GPR31: variants seen among roughly 807,000 people sequenced by gnomAD.
The protein encoded by GPR31 is 12-(S)-hydroxy-5,8,10,14-eicosatetraenoic acid receptor.
For missense variants in GPR31, 394 were observed against 400.5 expected, an observed-to-expected ratio of 0.98 and a Z score of 0.14; for synonymous variants, 209 against 183.8, an observed-to-expected ratio of 1.14 and a Z score of -1.11.
chr6:167,157,221 A>G lies in GPR31; in HGVS notation c.611T>C (p.Leu204Pro), dbSNP rs1240605823. The G allele has an allele frequency of 5.6e-6, 9 of 1,614,122 alleles. No homozygotes were observed. Among genetic ancestry groups the G allele is most frequent in the Non-Finnish European group, 7.6e-6 (9 of 1,180,050 alleles). Residue 204 changes from leucine to proline, a missense_variant, in exon 1 of 1, where the codon CTC (leucine) becomes CCC (proline). Transcript: ENST00000366834. Reference sequence around the variant, plus strand: ...CTCAGGCTCCCGGAGTCTTTTCTGGAGAGCCCTGATGATGCCTGCATTGCA... The same window carrying G: ...CTCAGGCTCCCGGAGTCTTTTCTGGGGAGCCCTGATGATGCCTGCATTGCA... Reference protein sequence around the residue: ...VFCNAGIIRALQKRLREPEKQ... With the variant: ...VFCNAGIIRAPQKRLREPEKQ...
rs1307014499 is a variant in GPR31, at chr6:167,155,737, C to T, written c.*1135G>A. On this transcript the variant is annotated 3_prime_UTR_variant, in exon 1 of 1. Coordinates refer to ENST00000366834, the MANE Select transcript of GPR31 (RefSeq NM_005299.3). ...GCAGCTCACCAGGCCCATGTCGTGA[C>T]AAGGCAGGCCTCCCGCCTCCTCTGG... 6.6e-6 allele frequency among the ~76,000 whole-genome samples: 1 copy of T among 152,254 alleles called. No individual in the cohort carries two copies. The highest frequency in any genetic ancestry group is 1.5e-5 in the Non-Finnish European group (1 of 68,042).
Position 167,155,876 on chromosome 6 carries a change from T to C in GPR31, c.*996A>G, listed in dbSNP as rs978523923. Among the ~76,000 whole-genome samples the C allele has an allele frequency of 1.3e-5, 2 of 152,194 alleles. No individual in the cohort carries two copies. The highest frequency in any genetic ancestry group is 4.8e-5 in the African/African-American group (2 of 41,444). ...AAATCTTTTATCATCATCGTGAGAC[T>C]CAGTTTTGGAATACAATTTACAAGG... On this transcript the variant is annotated 3_prime_UTR_variant, in exon 1 of 1. Coordinates refer to ENST00000366834, the MANE Select transcript of GPR31 (RefSeq NM_005299.3).
At position 167,157,685 on chromosome 6, in the gene GPR31, G is replaced by A. The variant is rs374373604; in HGVS notation, c.147C>T (p.Tyr49=). The A allele has an allele frequency of 1.3e-5, 21 of 1,613,700 alleles. No individual in the cohort carries two copies. In the East Asian group the frequency reaches 2.0e-4, roughly 15 times the overall value. Reference sequence around the variant, plus strand: ...GGGCCAGGTTGAGCAGGTAGACAGCGTACGGCTTCCACACCCTGACCCGGA... The same window carrying A: ...GGGCCAGGTTGAGCAGGTAGACAGCATACGGCTTCCACACCCTGACCCGGA... ...FLFRVRVWKP[Y]AVYLLNLALA... Residue 49 remains tyrosine, a synonymous_variant, in exon 1 of 1, where the codon TAC becomes TAT. Transcript: ENST00000366834.
chr6:167,156,932 G>C lies in GPR31; in HGVS notation c.900C>G (p.Leu300=). 1.2e-6 allele frequency: 2 copies of C among 1,614,022 alleles called. No homozygotes were observed. Among genetic ancestry groups the C allele is most frequent in the Non-Finnish European group, 1.7e-6 (2 of 1,179,918 alleles). Reference sequence around the variant, plus strand: ...GCTCTGCTGCCTGCCCTTTGCCTCGGAGGGTGTGGAAGACCCTCCGATAGG... The same window carrying C: ...GCTCTGCTGCCTGCCCTTTGCCTCGCAGGGTGTGGAAGACCCTCCGATAGG... ...RSSYRRVFHT[L]RGKGQAAEPP... The change falls in exon 1 of 1, where the codon CTC becomes CTG. Residue 300 remains leucine (L), a synonymous_variant. Transcript: ENST00000366834. The surrounding 1 kb of genome is among the most constrained non-coding windows in gnomAD (Gnocchi z 4.5).
rs760218339 is a variant in GPR31, at chr6:167,157,637, C to A, written c.195G>T (p.Ala65=). ...NLALADLLLA[A]CLPFLAAFYL... ...AGAAGGCGGCCAGGAAAGGCAGGCA[C>A]GCAGCCAACAGCAGGTCAGCCAGGG... The change falls in exon 1 of 1, where the codon GCG becomes GCT. Residue 65 remains alanine, a synonymous_variant. Transcript: ENST00000366834. 6 of 1,613,696 alleles carry A rather than the reference C, an allele frequency of 3.7e-6. No individual in the cohort carries two copies. In the African/African-American group the frequency reaches 6.7e-5, roughly 18 times the overall value.
Position 167,157,747 on chromosome 6 carries a change from G to GGCCC in GPR31, c.84_85insGGGC (p.Leu29GlyfsTer33). ...CACAGCGCCACCGCGTTGCCCAGCAGACCCAGCCCACACTCCAGCCCCAGC... is the reference window on the plus strand; with the variant it reads ...CACAGCGCCACCGCGTTGCCCAGCAGGCCCACCCAGCCCACACTCCAGCCCCAGC... On this transcript the variant is annotated frameshift_variant, in exon 1 of 1. Coordinates refer to ENST00000366834, the MANE Select transcript of GPR31 (RefSeq NM_005299.3). LOFTEE classifies it low-confidence loss of function (END_TRUNC). The GGCCC allele has an allele frequency of 6.2e-7, 1 of 1,613,568 alleles. No individual in the cohort carries two copies. The highest frequency in any genetic ancestry group is 2.2e-5 in the East Asian group (1 of 44,874).
In GPR31 at chr6:167,157,137, G is replaced by A; in HGVS notation, c.695C>T (p.Ala232Val). 6.2e-7 allele frequency: 1 copy of A among 1,614,200 alleles called. No homozygotes were observed. The highest frequency in any genetic ancestry group is 8.5e-7 in the Non-Finnish European group (1 of 1,180,024). Reference sequence around the variant, plus strand: ...CAGGAAGCAGGGCAGAAAGCACAGAGCAAACAGCACCACCACCAAGGTGAC... The same window carrying A: ...CAGGAAGCAGGGCAGAAAGCACAGAACAAACAGCACCACCACCAAGGTGAC... ...ALVTLVVVLF[A>V]LCFLPCFLAR... Residue 232 changes from alanine (A) to valine (V), a missense_variant, in exon 1 of 1, where the codon GCT becomes GTT. By Grantham distance (64) the Ala-to-Val change is moderately conservative. Transcript: ENST00000366834.
At position 167,157,864 on chromosome 6, in the gene GPR31, G is replaced by C. The variant is rs1358359836; in HGVS notation, c.-33C>G. 6.3e-7 allele frequency: 1 copy of C among 1,576,460 alleles called. No individual in the cohort carries two copies. The highest frequency in any genetic ancestry group is 1.3e-5 in the African/African-American group (1 of 74,188). On this transcript the variant is annotated 5_prime_UTR_variant, in exon 1 of 1. Transcript: ENST00000366834. ...CCGTGAGGGGCTGCAGGCACAGCTGGAGCAGGTACAGGAGGAACTCTGTGC... is the reference window on the plus strand; with the variant it reads ...CCGTGAGGGGCTGCAGGCACAGCTGCAGCAGGTACAGGAGGAACTCTGTGC...
At position 167,157,546 on chromosome 6, in the gene GPR31, G is replaced by C. The variant is rs751513194; in HGVS notation, c.286C>G (p.Leu96Val). ...GCWALHFLLD[L>V]SRSVGMAFLA... ...AAGGCCATCCCCACGCTGCGGCTGA[G>C]GTCCAGCAGGAAGTGCAGGGCCCAG... Residue 96 changes from leucine (L) to valine (V), a missense_variant, in exon 1 of 1, where the codon CTC becomes GTC. By Grantham distance (32) the Leu-to-Val change is conservative (BLOSUM62 1). Transcript: ENST00000366834. 6.2e-7 allele frequency: 1 copy of C among 1,610,468 alleles called. No individual in the cohort carries two copies. The highest frequency in any genetic ancestry group is 2.2e-5 in the East Asian group (1 of 44,800).
At position 167,157,488 on chromosome 6, in the gene GPR31, C is replaced by T. The variant is rs374776628; in HGVS notation, c.344G>A (p.Arg115His). Reference protein sequence around the residue: ...LAAVALDRYLRVVHPRLKVNL... With the variant: ...LAAVALDRYLHVVHPRLKVNL... ...GACCTTAAGCCGAGGGTGGACCACACGGAGGTACCGGTCCAAAGCCACGGC... is the reference window on the plus strand; with the variant it reads ...GACCTTAAGCCGAGGGTGGACCACATGGAGGTACCGGTCCAAAGCCACGGC... Residue 115 changes from arginine to histidine, a missense_variant, in exon 1 of 1, where the codon CGT becomes CAT. Transcript: ENST00000366834. 1,621 of 1,613,462 alleles carry T rather than the reference C, an allele frequency of 1.0e-3. 32 individuals are homozygous for T. In the South Asian group the frequency reaches 0.017, roughly 17 times the overall value.
rs1224972433 is a variant in GPR31, at chr6:167,155,733, G to T, written c.*1139C>A. Among the ~76,000 whole-genome samples, 1 of 152,234 alleles carries T rather than the reference G, an allele frequency of 6.6e-6. No individual in the cohort carries two copies. The highest frequency in any genetic ancestry group is 1.9e-4 in the East Asian group (1 of 5,202). ...AGGGGCAGCTCACCAGGCCCATGTC[G>T]TGACAAGGCAGGCCTCCCGCCTCCT... On this transcript the variant is annotated 3_prime_UTR_variant, in exon 1 of 1. Transcript: ENST00000366834.
Position 167,157,454 on chromosome 6 carries a change from C to G in GPR31, c.378G>C (p.Leu126=), listed in dbSNP as rs75693420. 564 of 1,613,680 alleles carry G rather than the reference C, an allele frequency of 3.5e-4. 1 individual carries two copies. The African/African-American group carries it at 6.3e-3, about 18-fold the overall frequency. ...AGACCCCCAGGGCCGCCTGAGGAGA[C>G]AGCAGGTTGACCTTAAGCCGAGGGT... The part of the protein sequence containing the change: ...VVHPRLKVNL[L]SPQAALGVSG... Residue 126 remains leucine (L), a synonymous_variant, in exon 1 of 1, where the codon CTG becomes CTC. Coordinates refer to ENST00000366834, the MANE Select transcript of GPR31 (RefSeq NM_005299.3).
Position 167,157,248 on chromosome 6 carries a change from A to T in GPR31, c.584T>A (p.Phe195Tyr), listed in dbSNP as rs1445348978. 6.2e-7 allele frequency: 1 copy of T among 1,614,094 alleles called. No individual in the cohort carries two copies. Among genetic ancestry groups the T allele is most frequent in the African/African-American group, 1.3e-5 (1 of 74,930 alleles). ...AGCCCTGATGATGCCTGCATTGCAG[A>T]ACACGATGAGGCCAAAGGGGAGGAC... ...QFVLPFGLIV[F>Y]CNAGIIRALQ... is the part of the protein sequence containing the mutation. Residue 195 changes from phenylalanine to tyrosine, a missense_variant, in exon 1 of 1, where the codon TTC (phenylalanine) becomes TAC (tyrosine). By Grantham distance (22) the Phe-to-Tyr change is conservative (BLOSUM62 3). Coordinates refer to ENST00000366834, the MANE Select transcript of GPR31 (RefSeq NM_005299.3).
Position 167,156,958 on chromosome 6 carries a change from A to T in GPR31, c.874T>A (p.Ser292Thr), listed in dbSNP as rs1480628404. The change falls in exon 1 of 1, where the codon TCC becomes ACC. Residue 292 changes from serine to threonine, a missense_variant. By Grantham distance (58) the Ser-to-Thr change is moderately conservative (BLOSUM62 1). Transcript: ENST00000366834. The surrounding 1 kb of genome is among the most constrained non-coding windows in gnomAD (Gnocchi z 4.5). Reference protein sequence around the residue: ...YCFSSPTFRSSYRRVFHTLRG... With the variant: ...YCFSSPTFRSTYRRVFHTLRG... ...AGGGTGTGGAAGACCCTCCGATAGG[A>T]GCTCCTGAAGGTGGGGCTGGAGAAG... 6.2e-7 allele frequency: 1 copy of T among 1,613,962 alleles called. No homozygotes were observed. Among genetic ancestry groups the T allele is most frequent in the African/African-American group, 1.3e-5 (1 of 74,884 alleles).
Position 167,157,015 on chromosome 6 carries a change from G to T in GPR31, c.817C>A (p.Leu273Met), listed in dbSNP as rs958833167. ...TSDVTGSLTY[L>M]HSVLNPVVYC... The stretch of plus-strand genomic sequence containing the variant: ...ACCACGGGGTTGAGCACACTGTGCA[G>T]GTAGGTGAGGCTGCCCGTGACATCC... The change falls in exon 1 of 1, where the codon CTG (leucine) becomes ATG (methionine). Residue 273 changes from leucine (L) to methionine (M), a missense_variant. Coordinates refer to ENST00000366834, the MANE Select transcript of GPR31 (RefSeq NM_005299.3). The T allele has an allele frequency of 6.2e-7, 1 of 1,614,174 alleles. No individual in the cohort carries two copies. Among genetic ancestry groups the T allele is most frequent in the African/African-American group, 1.3e-5 (1 of 75,040 alleles).
Position 167,157,796 on chromosome 6 carries a change from C to T in GPR31, c.36G>A (p.Val12=). 2 of 1,612,092 alleles carry T rather than the reference C, an allele frequency of 1.2e-6. No homozygotes were observed. Among genetic ancestry groups the T allele is most frequent in the Admixed American group, 1.7e-5 (1 of 59,812 alleles). The change falls in exon 1 of 1, where the codon GTG becomes GTA. Residue 12 remains valine (V), a synonymous_variant. Coordinates refer to ENST00000366834, the MANE Select transcript of GPR31 (RefSeq NM_005299.3). ...PFPNCSAPST[V]VATAVGVLLG... ...GCAAGACACCCACAGCTGTGGCCAC[C>T]ACAGTGCTGGGGGCTGAGCAGTTTG... is the stretch of plus-strand genomic sequence containing the variant.
At position 167,157,285 on chromosome 6, in the gene GPR31, A is replaced by T; in HGVS notation, c.547T>A (p.Cys183Ser). 1 of 1,614,166 alleles carries T rather than the reference A, an allele frequency of 6.2e-7. No homozygotes were observed. The highest frequency in any genetic ancestry group is 2.2e-5 in the East Asian group (1 of 44,876). The change falls in exon 1 of 1, where the codon TGC becomes AGC. Residue 183 changes from cysteine (C) to serine (S), a missense_variant. Coordinates refer to ENST00000366834, the MANE Select transcript of GPR31 (RefSeq NM_005299.3). Reference protein sequence around the residue: ...FSIIWQEALSCLQFVLPFGLI... With the variant: ...FSIIWQEALSSLQFVLPFGLI... The stretch of plus-strand genomic sequence containing the variant: ...CCAAAGGGGAGGACAAACTGAAGGC[A>T]GGAGAGTGCTTCCTGCCAGATGATG...
At position 167,156,761 on chromosome 6, in the gene GPR31, T is replaced by C. The variant is rs185145891; in HGVS notation, c.*111A>G. ...GTGCCCATGTTTATGCTCTGATCCT[T>C]GTATTGCAGTCTTAAGACTTCTTCT... On this transcript the variant is annotated 3_prime_UTR_variant, in exon 1 of 1. Transcript: ENST00000366834. The surrounding 1 kb of genome is among the most constrained non-coding windows in gnomAD (Gnocchi z 4.5). 5.5e-5 allele frequency: 65 copies of C among 1,189,890 alleles called. No homozygotes were observed. In the African/African-American group the frequency reaches 9.0e-4, roughly 17 times the overall value. 73.7% of individuals were successfully genotyped at this position (1,189,890 alleles called of 1,614,324 possible). A position where few individuals can be genotyped will look rare whatever the true frequency, so the allele number is the denominator to read the frequency against.
rs911822302 is a variant in GPR31, at chr6:167,156,314, G to A, written c.*558C>T. 2.2e-4 allele frequency: 33 copies of A among 152,158 alleles called. No individual in the cohort carries two copies. Among genetic ancestry groups the A allele is most frequent in the African/African-American group, 7.2e-4 (30 of 41,426 alleles). The allele number at this position is 152,158 out of a possible 1,614,324, so 9.4% of individuals were successfully genotyped here. The stretch of plus-strand genomic sequence containing the variant: ...AATTTTATGAAAACAAAAATGTTAT[G>A]TTCCAAATAAAGGCTAGCATGTACG... On this transcript the variant is annotated 3_prime_UTR_variant, in exon 1 of 1. Coordinates refer to ENST00000366834, the MANE Select transcript of GPR31 (RefSeq NM_005299.3). The surrounding 1 kb of genome is among the most constrained non-coding windows in gnomAD (Gnocchi z 4.5).
Sources: gnomAD v4.1 joint callset for allele counts (sites outside exome capture counted in the v4.1 genomes callset) on GRCh38, gnomAD v4.1.1 for gene constraint, Gnocchi (gnomAD v3.1) non-coding constraint, MANE v1.5 for transcripts, NCBI Gene and HGNC (gene_info 2026-07-23, HGNC 2026-07-21) for gene names.